The following IL1RAPL1 variants were observed in gnomAD, a reference collection of about 807,000 sequenced individuals.
IL1RAPL1 encodes the protein interleukin-1 receptor accessory protein-like 1.
In IL1RAPL1, 3 loss-of-function variants were observed where a neutral mutation model predicts 48.4. The observed-to-expected ratio is 0.06, with a 90% CI of 0.03 to 0.16. IL1RAPL1 has a LOEUF of 0.16. Ranked by LOEUF, IL1RAPL1 falls within the 10% of genes least tolerant of loss-of-function variation. The pLI is 1.00. For synonymous variants in IL1RAPL1, 185 were observed against 187.7 expected (o/e 0.99, Z 0.12); for missense variants, 349 against 530.6 (o/e 0.66, Z 3.36).
intron 3 of IL1RAPL1, among the ~76,000 whole-genome samples, chrX:29,339,472 T>C (rs1169584557): frequency 8.9e-6 from 1 of 111,901 alleles, no homozygotes; most frequent in African/African-American, 3.2e-5. Context: ...GGAAGGGGTA[T>C]GAAATTTAAA....
chrX:28,740,029 T>C (rs1935889012), intron 1 of IL1RAPL1, among the ~76,000 whole-genome samples: 1 of 111,318 alleles, frequency 9.0e-6, no homozygotes, highest in African/African-American at 3.3e-5. Flanking sequence ...AAAAAGTTGG[T>C]GCTCAATAAT....
At chrX:29,803,138 T>C (rs1382661865) in intron 6 of IL1RAPL1, among the ~76,000 whole-genome samples, 1 of 92,722 alleles carries the variant, frequency 1.1e-5, no homozygotes, top group East Asian at 3.6e-4. Flanking sequence ...TGTATGCATA[T>C]ATGTATATAT....
At chrX:28,600,587 T>C (rs1484448650) in intron 1 of IL1RAPL1, among the ~76,000 whole-genome samples, 1 of 110,051 alleles carries the variant, frequency 9.1e-6, no homozygotes. Flanking sequence ...AATAAGACAA[T>C]TGTTTGGGTT....
intron 1 of IL1RAPL1, among the ~76,000 whole-genome samples, chrX:28,637,083 CA>C (rs1321835029): frequency 9.0e-6 from 1 of 111,207 alleles, no homozygotes; most frequent in Non-Finnish European, 1.9e-5. Context: ...CTAAAACAAA[CA>C]TGGGGTAGAA....
At chrX:28,912,040 G>A (rs1352989921) in intron 2 of IL1RAPL1, among the ~76,000 whole-genome samples, 1 of 104,644 alleles carries the variant, frequency 9.6e-6, no homozygotes, top group Non-Finnish European at 2.0e-5. Flanking sequence ...GTAGCATTGG[G>A]AAAATATTCA....
intron 2 of IL1RAPL1, among the ~76,000 whole-genome samples, chrX:29,238,773 T>G (rs1377598207): frequency 8.9e-6 from 1 of 112,396 alleles, no homozygotes; most frequent in Admixed American, 9.5e-5. Flanking sequence ...TAAAGTTACC[T>G]GTAGTAAGCA....
chrX:29,347,560 A>T (rs5928691), intron 3 of IL1RAPL1, among the ~76,000 whole-genome samples: 45,434 of 104,313 alleles, frequency 0.44, 8,068 homozygotes, highest in Middle Eastern at 0.56. Flanking sequence ...AGCTATTTTT[A>T]AAATTTTTTT....
chrX:28,672,375 A>G (rs2146914999), intron 1 of IL1RAPL1, among the ~76,000 whole-genome samples: 1 of 111,600 alleles, frequency 9.0e-6, no homozygotes, highest in African/African-American at 3.3e-5. Flanking sequence ...GGGGAGGGGG[A>G]CTGCTATCTT....
intron 6 of IL1RAPL1, among the ~76,000 whole-genome samples, chrX:29,809,019 TTTAG>T (rs1469390243): frequency 2.7e-5 from 3 of 110,327 alleles, no homozygotes; most frequent in Non-Finnish European, 5.7e-5. Flanking sequence ...AACTGGAACT[TTTAG>T]TTAATTTTTA....
chrX:29,065,859 A>T (rs951924589), intron 2 of IL1RAPL1, among the ~76,000 whole-genome samples: 12 of 111,896 alleles, frequency 1.1e-4, no homozygotes, highest in African/African-American at 3.6e-4. Context: ...CCAGAATTTC[A>T]TTTGGTTCTT....
chrX:29,165,889 G>A (rs1023618401), intron 2 of IL1RAPL1, among the ~76,000 whole-genome samples: 1 of 111,849 alleles, frequency 8.9e-6, no homozygotes, highest in African/African-American at 3.2e-5. Context: ...TATATACCTT[G>A]AATTTGTACT....
At chrX:29,247,583 A>G (rs1931538178) in intron 2 of IL1RAPL1, among the ~76,000 whole-genome samples, 1 of 111,223 alleles carries the variant, frequency 9.0e-6, no homozygotes, top group South Asian at 3.8e-4. Context: ...CAGGAGTTCA[A>G]GACCAGCCTG....
chrX:29,778,373 T>C (rs1198594727), intron 6 of IL1RAPL1, among the ~76,000 whole-genome samples: 1 of 111,222 alleles, frequency 9.0e-6, no homozygotes, highest in Non-Finnish European at 1.9e-5. Context: ...GTGTTTATAG[T>C]TGAAACTATA....
At chrX:29,184,998 A>G (rs1930223227) in intron 2 of IL1RAPL1, among the ~76,000 whole-genome samples, 1 of 112,342 alleles carries the variant, frequency 8.9e-6, no homozygotes, top group African/African-American at 3.2e-5. Flanking sequence ...TTGTTCCTAA[A>G]GCCATGATGA....
At chrX:29,413,065 T>C (rs972487752) in intron 5 of IL1RAPL1, among the ~76,000 whole-genome samples, 4 of 111,489 alleles carry the variant, frequency 3.6e-5, no homozygotes, top group African/African-American at 6.5e-5. Flanking sequence ...AATTGAGTCA[T>C]GGGGGCGGGT....
chrX:29,363,483 A>G (rs1476347846), intron 3 of IL1RAPL1, among the ~76,000 whole-genome samples: 2 of 111,913 alleles, frequency 1.8e-5, no homozygotes, highest in Non-Finnish European at 3.8e-5. Flanking sequence ...ATAGATTAGT[A>G]TATGCCCAGA....
intron 3 of IL1RAPL1, among the ~76,000 whole-genome samples, chrX:29,349,230 C>G (rs942658051): frequency 8.0e-5 from 9 of 112,517 alleles, no homozygotes; most frequent in African/African-American, 2.6e-4. Flanking sequence ...TCTTCTTGGC[C>G]TCTCTGTTCA....
chrX:29,359,910 G>A (rs1323465071), intron 3 of IL1RAPL1, among the ~76,000 whole-genome samples: 1 of 110,743 alleles, frequency 9.0e-6, no homozygotes, highest in Non-Finnish European at 1.9e-5. Context: ...AATATTTCTA[G>A]GTAGCCATGT....
At chrX:29,739,627 C>T (rs915707402) in intron 6 of IL1RAPL1, among the ~76,000 whole-genome samples, 1 of 111,862 alleles carries the variant, frequency 8.9e-6, no homozygotes, top group African/African-American at 3.3e-5. Context: ...TTTTAAAATA[C>T]CTACTCATAG....
Sources: allele counts gnomAD v4.1 joint callset (sites outside exome capture counted in the v4.1 genomes callset), GRCh38; gene constraint gnomAD v4.1.1; transcripts MANE v1.5; gene names NCBI Gene and HGNC (gene_info 2026-07-23, HGNC 2026-07-21).